The following ANKS1B variants were observed in gnomAD, a reference collection of about 807,000 sequenced individuals.
ANKS1B encodes the protein ankyrin repeat and sterile alpha motif domain containing 1B.
ANKS1B carries 36 observed loss-of-function variants against 148.3 expected under a neutral mutation model. That is an observed-to-expected ratio of 0.24 (90% CI 0.19 to 0.32). The LOEUF (loss-of-function observed/expected upper bound fraction) is 0.32. Among genes scored for constraint, ANKS1B ranks in the 10% least tolerant of loss-of-function variants. The probability of loss-of-function intolerance (pLI) is 1.00; values close to 1 mark genes in which losing one functional copy is unlikely to be tolerated. For missense variants in ANKS1B, 1,157 were observed against 1,542.6 expected (o/e 0.75, Z 4.19); for synonymous variants, 542 against 560.8 (o/e 0.97, Z 0.47).
chr12:98,879,612 T>A (rs1286721700), intron 17 of ANKS1B, among the ~76,000 whole-genome samples: 1 of 152,180 alleles, frequency 6.6e-6, no homozygotes, highest in East Asian at 1.9e-4. Flanking sequence ...TCTCCTCCAA[T>A]ATCAATTCCT....
chr12:98,785,112 T>C (rs547024366), intron 22 of ANKS1B, among the ~76,000 whole-genome samples: 1 of 152,326 alleles, frequency 6.6e-6, no homozygotes, highest in East Asian at 1.9e-4. Flanking sequence ...TGGTGTACTT[T>C]GACAAGAGTT....
chr12:98,895,348 T>C, intron 17 of ANKS1B: 1 of 975,744 alleles, frequency 1.0e-6, no homozygotes, highest in South Asian at 4.7e-5. Context: ...GCCGGGGCGG[T>C]AGCAGCGGCG....
intron 9 of ANKS1B, among the ~76,000 whole-genome samples, chr12:99,634,998 C>T (rs995212202): frequency 1.3e-5 from 2 of 152,076 alleles, no homozygotes. Flanking sequence ...GGTCAACAAG[C>T]ACATGAAAAG....
At chr12:98,992,699 C>T (rs1055673217) in intron 17 of ANKS1B, among the ~76,000 whole-genome samples, 5 of 152,174 alleles carry the variant, frequency 3.3e-5, no homozygotes, top group Non-Finnish European at 7.3e-5. Flanking sequence ...CTACTACACC[C>T]TCCTTAATGA....
chr12:99,249,132 G>T (rs1384530193), intron 12 of ANKS1B, among the ~76,000 whole-genome samples: 2 of 152,116 alleles, frequency 1.3e-5, no homozygotes, highest in African/African-American at 4.8e-5. Context: ...TAGGAAGGAG[G>T]AATTCTGAAA....
chr12:99,387,622 A>C (rs1242051478), intron 12 of ANKS1B, among the ~76,000 whole-genome samples: 3 of 151,584 alleles, frequency 2.0e-5, no homozygotes, highest in African/African-American at 7.3e-5. Flanking sequence ...GAAGAAGAAG[A>C]AGCCCAAGGG....
chr12:99,948,185 C>T (rs1053088828), intron 1 of ANKS1B, among the ~76,000 whole-genome samples: 2 of 152,040 alleles, frequency 1.3e-5, no homozygotes, highest in African/African-American at 4.8e-5. Context: ...TAGGATTCTG[C>T]CTACCACATG....
At chr12:99,366,121 A>G (rs1336687940) in intron 12 of ANKS1B, among the ~76,000 whole-genome samples, 1 of 152,062 alleles carries the variant, frequency 6.6e-6, no homozygotes, top group Non-Finnish European at 1.5e-5. Context: ...CTCCCAAATC[A>G]GCCGGGCTCT....
In ANKS1B at chr12:99,406,912, G is replaced by A. The variant is rs1275982351; in HGVS notation, c.1576-7101C>T. Among the ~76,000 whole-genome samples the A allele has an allele frequency of 2.7e-5, 4 of 145,546 alleles. 1 individual carries two copies. Among genetic ancestry groups the A allele is most frequent in the African/African-American group, 1.0e-4 (4 of 38,330 alleles). ...TAGTCTCCCAGCAAAGAAAAGCCCA[G>A]GATCTGATGGCTTCACTGCTGAATT... On this transcript the variant is annotated intron_variant, in intron 11 of 26. Coordinates refer to ENST00000683438, the MANE Select transcript of ANKS1B (RefSeq NM_001352186.2).
At chr12:99,204,965 T>C (rs1487965727) in intron 14 of ANKS1B, among the ~76,000 whole-genome samples, 1 of 152,192 alleles carries the variant, frequency 6.6e-6, no homozygotes, top group African/African-American at 2.4e-5. Context: ...TTCTGGATTA[T>C]GTTTACCCCA....
intron 14 of ANKS1B, among the ~76,000 whole-genome samples, chr12:99,239,802 A>T (rs1026358839): frequency 6.6e-6 from 1 of 152,230 alleles, no homozygotes; most frequent in Non-Finnish European, 1.5e-5. Flanking sequence ...CCAGAATCTC[A>T]TATCCAGCCA....
At chr12:99,111,286 C>G (rs1356206016) in intron 15 of ANKS1B, among the ~76,000 whole-genome samples, 1 of 152,142 alleles carries the variant, frequency 6.6e-6, no homozygotes, top group Middle Eastern at 3.2e-3. Context: ...AAAGAAAAAG[C>G]AAGTCTTATT....
intron 25 of ANKS1B, among the ~76,000 whole-genome samples, chr12:98,764,494 C>T (rs1413258894): frequency 1.3e-5 from 2 of 152,216 alleles, no homozygotes; most frequent in Non-Finnish European, 2.9e-5. Context: ...TCCTAAAGTG[C>T]TGGGATTACA....
intron 9 of ANKS1B, among the ~76,000 whole-genome samples, chr12:99,565,962 G>GA (rs1465704534): frequency 6.6e-6 from 1 of 152,124 alleles, no homozygotes; most frequent in Admixed American, 6.5e-5. Context: ...AGGTTTGTGT[G>GA]AAAAAATCAG....
At chr12:99,124,596 A>G (rs2063789533) in intron 15 of ANKS1B, among the ~76,000 whole-genome samples, 2 of 152,172 alleles carry the variant, frequency 1.3e-5, no homozygotes, top group Admixed American at 1.3e-4. Context: ...TACAACTGTA[A>G]GAGTCATCAG....
chr12:99,632,725 T>TTA (rs1294251446), intron 9 of ANKS1B, among the ~76,000 whole-genome samples: 8 of 26,214 alleles, frequency 3.1e-4, no homozygotes, highest in African/African-American at 7.2e-4. Context: ...TTCCTTTTCT[T>TTA]TCTATATATA....
chr12:99,423,113 A>G (rs2095144165), intron 11 of ANKS1B, among the ~76,000 whole-genome samples: 1 of 152,224 alleles, frequency 6.6e-6, no homozygotes, highest in Non-Finnish European at 1.5e-5. Context: ...TAAAATTCAA[A>G]AGTCATTAGG....
At chr12:99,928,754 T>G (rs1463530598) in intron 1 of ANKS1B, among the ~76,000 whole-genome samples, 3 of 152,174 alleles carry the variant, frequency 2.0e-5, no homozygotes, top group Non-Finnish European at 4.4e-5. Context: ...AAAAACAAAC[T>G]TGATGAGAAC....
At chr12:99,672,597 C>T (rs1055683443) in intron 8 of ANKS1B, among the ~76,000 whole-genome samples, 3 of 152,044 alleles carry the variant, frequency 2.0e-5, no homozygotes, top group Admixed American at 6.6e-5. Context: ...AAAGGTCACC[C>T]CAGCTTCTGA....
Sources: gnomAD v4.1 joint callset for allele counts (sites outside exome capture counted in the v4.1 genomes callset) on GRCh38, gnomAD v4.1.1 for gene constraint, MANE v1.5 for transcripts, NCBI Gene and HGNC (gene_info 2026-07-23, HGNC 2026-07-21) for gene names.